The following FAAH2 variants were observed in gnomAD, a reference collection of about 807,000 sequenced individuals.
FAAH2 encodes the protein fatty-acid amide hydrolase 2.
A neutral mutation model predicts 36.9 loss-of-function variants in FAAH2; 60 were observed. The observed-to-expected ratio is 1.63, with a 90% CI of 1.32 to 2.02. FAAH2 has a LOEUF of 2.02. Among genes scored for constraint, FAAH2 ranks in the 30% most tolerant of loss-of-function variants. FAAH2 has a pLI of 0.00. For missense variants in FAAH2, 689 were observed against 397.5 expected, an observed-to-expected ratio of 1.73 and a Z score of -6.23; for synonymous variants, 214 against 143.8, an observed-to-expected ratio of 1.49 and a Z score of -3.49.
chrX:57,312,700 C>T (rs1031790837), intron 3 of FAAH2, among the ~76,000 whole-genome samples: 4 of 110,223 alleles, frequency 3.6e-5, no homozygotes, highest in Non-Finnish European at 7.6e-5. Flanking sequence ...ATACAGAACA[C>T]TAGCCTTCTG....
At chrX:57,218,403 T>C in the FAAH2 span, among the ~76,000 whole-genome samples, 2 of 112,124 alleles carry the variant, frequency 1.8e-5, no homozygotes, top group Non-Finnish European at 3.8e-5. Context: ...GGGGTTTTAA[T>C]CTAAAGCGAT....
the FAAH2 span, among the ~76,000 whole-genome samples, chrX:57,198,592 C>T: frequency 8.9e-6 from 1 of 112,437 alleles, no homozygotes; most frequent in Non-Finnish European, 1.9e-5. Context: ...TCATGCCCAC[C>T]CTACCCCTGG....
At chrX:57,162,986 GT>G in the FAAH2 span, among the ~76,000 whole-genome samples, 1 of 112,080 alleles carries the variant, frequency 8.9e-6, no homozygotes, top group Admixed American at 9.4e-5. Flanking sequence ...CCCCATCTTT[GT>G]GGTTTTATCT....
rs767525329 is a variant in FAAH2 at position 57,444,680 on chromosome X, G to A, written c.1117-2248G>A. Among the ~76,000 whole-genome samples the A allele has an allele frequency of 9.0e-5, 10 of 111,436 alleles. No homozygotes were observed. In the South Asian group the frequency reaches 1.9e-3, roughly 21 times the overall value. ...CCCATCTTCTGTGTCGCTCATGCTTGGAGCTGCAGACTGGAGCTGTTCCTA... is the reference window on the plus strand; with the variant it reads ...CCCATCTTCTGTGTCGCTCATGCTTAGAGCTGCAGACTGGAGCTGTTCCTA... On this transcript the variant is annotated intron_variant, in intron 8 of 10. Coordinates refer to ENST00000374900, the MANE Select transcript of FAAH2 (RefSeq NM_174912.4).
chrX:57,287,315 T>A (rs181184974), intron 1 of FAAH2, among the ~76,000 whole-genome samples: 1 of 111,346 alleles, frequency 9.0e-6, no homozygotes, highest in East Asian at 2.8e-4. Context: ...TTCAAACTGA[T>A]TCTCAGCTAT....
chrX:57,206,528 T>G, the FAAH2 span, among the ~76,000 whole-genome samples: 1 of 112,306 alleles, frequency 8.9e-6, no homozygotes, highest in South Asian at 3.7e-4. Flanking sequence ...GTGAAAATTT[T>G]TTAAGAGTAG....
At chrX:57,438,057 G>T (rs1038251815) in intron 8 of FAAH2, among the ~76,000 whole-genome samples, 4 of 100,212 alleles carry the variant, frequency 4.0e-5, no homozygotes, top group African/African-American at 1.4e-4. Flanking sequence ...ACATATATAC[G>T]TATATATGTA....
At chrX:57,303,068 G>A (rs2052423159) in intron 2 of FAAH2, among the ~76,000 whole-genome samples, 1 of 111,126 alleles carries the variant, frequency 9.0e-6, no homozygotes, top group African/African-American at 3.3e-5. Flanking sequence ...TGCTAATGAA[G>A]GGGATTTCAA....
the FAAH2 span, among the ~76,000 whole-genome samples, chrX:57,262,545 T>TA: frequency 9.0e-6 from 1 of 111,326 alleles, no homozygotes; most frequent in Non-Finnish European, 1.9e-5. Flanking sequence ...ACCAAAGGTT[T>TA]AAAAAAGAAA....
the FAAH2 span, among the ~76,000 whole-genome samples, chrX:57,235,100 C>T: frequency 1.8e-5 from 2 of 110,670 alleles, no homozygotes; most frequent in Non-Finnish European, 3.8e-5. Flanking sequence ...GCACACAATC[C>T]AGGTGTGTAG....
intron 7 of FAAH2, among the ~76,000 whole-genome samples, chrX:57,425,804 G>A (rs1444623836): frequency 2.7e-5 from 3 of 111,054 alleles, no homozygotes; most frequent in Non-Finnish European, 3.8e-5. Context: ...GAAAAAACTA[G>A]ATAACAATTA....
At chrX:57,246,162 A>G in the FAAH2 span, among the ~76,000 whole-genome samples, 2 of 111,958 alleles carry the variant, frequency 1.8e-5, no homozygotes, top group Non-Finnish European at 3.8e-5. Flanking sequence ...AAACCCTACT[A>G]AGTCTAAACC....
At chrX:57,441,859 G>C (rs1001132414) in intron 8 of FAAH2, among the ~76,000 whole-genome samples, 2 of 111,143 alleles carry the variant, frequency 1.8e-5, no homozygotes, top group African/African-American at 6.5e-5. Flanking sequence ...CCTTCATTTC[G>C]TTATGTACCC....
At chrX:57,403,244 C>A (rs1451872421) in intron 7 of FAAH2, among the ~76,000 whole-genome samples, 2 of 112,321 alleles carry the variant, frequency 1.8e-5, no homozygotes, top group African/African-American at 3.2e-5. Context: ...TAGTAATTTT[C>A]CAATGGACAT....
At chrX:57,312,454 C>T (rs1200826984) in intron 3 of FAAH2, among the ~76,000 whole-genome samples, 3 of 111,176 alleles carry the variant, frequency 2.7e-5, no homozygotes, top group Non-Finnish European at 5.7e-5. Flanking sequence ...AGGTGGATCA[C>T]CTGAAGTCAG....
intron 3 of FAAH2, among the ~76,000 whole-genome samples, chrX:57,321,445 A>C (rs2053022336): frequency 9.1e-6 from 1 of 110,008 alleles, no homozygotes; most frequent in Non-Finnish European, 1.9e-5. Flanking sequence ...CACGTTCTGC[A>C]TATGTATCCC....
chrX:57,231,431 A>G, the FAAH2 span, among the ~76,000 whole-genome samples: 1 of 111,655 alleles, frequency 9.0e-6, no homozygotes, highest in South Asian at 3.7e-4. Context: ...TTTCTGTTAT[A>G]GACCTCTGTC....
At position 57,323,852 on chromosome X, in the gene FAAH2, C is replaced by T. The variant is rs770176246; in HGVS notation, c.413-7746C>T. Among the ~76,000 whole-genome samples the T allele has an allele frequency of 4.5e-5, 5 of 110,719 alleles. No homozygotes were observed. In the Admixed American group the frequency reaches 4.8e-4, roughly 11 times the overall value. On this transcript the variant is annotated intron_variant, in intron 3 of 10. Coordinates refer to ENST00000374900, the MANE Select transcript of FAAH2 (RefSeq NM_174912.4). Reference sequence around the variant, plus strand: ...AGAAGCTCTTTAGTTTGATTAGATCCCATTTGTCAATTTTGGCTTTTGCTG... The same window carrying T: ...AGAAGCTCTTTAGTTTGATTAGATCTCATTTGTCAATTTTGGCTTTTGCTG...
chrX:57,383,933 A>G (rs1466676167), intron 7 of FAAH2, among the ~76,000 whole-genome samples: 4 of 111,685 alleles, frequency 3.6e-5, no homozygotes, highest in Non-Finnish European at 5.7e-5. Context: ...ATACTGGAAG[A>G]CTACAGTAAC....
Sources: allele counts gnomAD v4.1 joint callset (sites outside exome capture counted in the v4.1 genomes callset), GRCh38; gene constraint gnomAD v4.1.1; transcripts MANE v1.5; gene names NCBI Gene and HGNC (gene_info 2026-07-23, HGNC 2026-07-21).